Variants in GEMIN5 observed in about 807,000 individuals in gnomAD.
GEMIN5 encodes the protein gem-associated protein 5.
In GEMIN5, 124 loss-of-function variants were observed where a neutral mutation model predicts 176.9. The ratio of observed to expected loss-of-function variants is 0.70; its 90% CI spans 0.61 to 0.81. The LOEUF (loss-of-function observed/expected upper bound fraction) is 0.81. Ranked by LOEUF, GEMIN5 falls within the 40% of genes least tolerant of loss-of-function variation. The probability of loss-of-function intolerance (pLI) is 0.00; values close to 1 mark genes in which losing one functional copy is unlikely to be tolerated. For synonymous variants in GEMIN5, 673 were observed against 665.2 expected (o/e 1.01, Z -0.18); for missense variants, 1,843 against 1,814.6 (o/e 1.02, Z -0.28).
intron 15 of GEMIN5, among the ~76,000 whole-genome samples, chr5:154,909,503 G>A (rs574304436): frequency 8.6e-5 from 13 of 151,604 alleles, no homozygotes; most frequent in Non-Finnish European, 1.8e-4. Context: ...TTTACTGAGG[G>A]GTAATATAAT....
chr5:154,891,032 A>G (rs1421419622), intron 26 of GEMIN5, among the ~76,000 whole-genome samples: 1 of 149,356 alleles, frequency 6.7e-6, no homozygotes, highest in Non-Finnish European at 1.5e-5. Context: ...CTGGGATTAC[A>G]AGCGTGATCC....
At chr5:154,906,482 A>G (rs570485477) in intron 16 of GEMIN5, among the ~76,000 whole-genome samples, 2 of 152,352 alleles carry the variant, frequency 1.3e-5, no homozygotes, top group South Asian at 4.1e-4. Context: ...AGGTGTATGC[A>G]ATATGGTGTC....
intron 15 of GEMIN5, among the ~76,000 whole-genome samples, chr5:154,910,563 CA>C (rs1763680270): frequency 6.6e-6 from 1 of 152,236 alleles, no homozygotes; most frequent in African/African-American, 2.4e-5. Flanking sequence ...CTTGGCTTCC[CA>C]AAGTGCTGGG....
chr5:154,932,001 G>A (rs1257035724), intron 4 of GEMIN5, 98 bp downstream of exon 4: 11 of 1,006,864 alleles, frequency 1.1e-5, no homozygotes, highest in East Asian at 5.0e-5. Context: ...GCAAAACTCC[G>A]TCTCCAAAAA....
rs1763408136 is a variant in GEMIN5 at position 154,898,764 on chromosome 5, C to G, written c.3135-114G>C. ...TTTGCTGCATGTGCCTTCCTGTGGT[C>G]CCAGGTATGTCACTGCCCCGGTTGT... On this transcript the variant is annotated intron_variant, in intron 22 of 27. Transcript: ENST00000285873. The G allele has an allele frequency of 7.0e-6, 6 of 852,850 alleles. No homozygotes were observed. The South Asian group carries it at 9.6e-5, about 14-fold the overall frequency. The allele number at this position is 852,850 out of a possible 1,614,324, so 52.8% of individuals were successfully genotyped here.
At chr5:154,931,425 T>C (rs1405885199) in intron 5 of GEMIN5, 33 bp downstream of exon 5, 3 of 1,585,092 alleles carry the variant, frequency 1.9e-6, no homozygotes, top group African/African-American at 1.3e-5. Context: ...CAGATCAACA[T>C]AGGTTACATC....
At chr5:154,896,527 C>T (rs931325091) in intron 23 of GEMIN5, among the ~76,000 whole-genome samples, 184 bp from the exon 24 acceptor site, 1 of 152,200 alleles carries the variant, frequency 6.6e-6, no homozygotes, top group Non-Finnish European at 1.5e-5. Flanking sequence ...CTGACAGACA[C>T]TTCCCAGGTC....
intron 9 of GEMIN5, among the ~76,000 whole-genome samples, chr5:154,922,612 T>C (rs1301158854): frequency 2.0e-5 from 3 of 152,246 alleles, no homozygotes; most frequent in Middle Eastern, 3.4e-3. Flanking sequence ...AATAATTTAA[T>C]AGAATTAGCA....
intron 13 of GEMIN5, among the ~76,000 whole-genome samples, chr5:154,914,021 A>C (rs1029175371): frequency 7.9e-5 from 12 of 151,272 alleles, no homozygotes; most frequent in Admixed American, 4.0e-4. Flanking sequence ...ATAAATACAC[A>C]CATAATTTTT....
intron 25 of GEMIN5, among the ~76,000 whole-genome samples, chr5:154,891,945 T>C (rs1014651318): frequency 6.6e-6 from 1 of 152,078 alleles, no homozygotes; most frequent in African/African-American, 2.4e-5. Flanking sequence ...AGTGTTCTCA[T>C]TACTACATCC....
chr5:154,937,963 G>A lies in GEMIN5; in HGVS notation c.166+5C>T, dbSNP rs775032948. On this transcript the variant is annotated splice_donor_5th_base_variant and intron_variant, in intron 1 of 27. Transcript: ENST00000285873. ...TAAGTCTCGGGCCCAAGGGTGGTGAGTTACCTCGAAACGGGGGTGTCCCTG... is the reference window on the plus strand; with the variant it reads ...TAAGTCTCGGGCCCAAGGGTGGTGAATTACCTCGAAACGGGGGTGTCCCTG... The A allele has an allele frequency of 6.4e-7, 1 of 1,571,374 alleles. No homozygotes were observed. Among genetic ancestry groups the A allele is most frequent in the Admixed American group, 1.8e-5 (1 of 54,870 alleles).
intron 24 of GEMIN5, 55 bp from the exon 25 acceptor site, chr5:154,892,604 G>A (rs1450830126): frequency 2.0e-5 from 31 of 1,545,768 alleles, no homozygotes; most frequent in Non-Finnish European, 2.7e-5. Flanking sequence ...AGGCGCAGAG[G>A]ATGCCACCAA....
rs756404522 is a variant in GEMIN5 at position 154,907,762 on chromosome 5, T to C, written c.2224A>G (p.Lys742Glu). The C allele has an allele frequency of 6.2e-7, 1 of 1,614,220 alleles. No homozygotes were observed. The highest frequency in any genetic ancestry group is 8.5e-7 in the Non-Finnish European group (1 of 1,180,040). The change falls in exon 16 of 28, where the codon AAA becomes GAA. Residue 742 changes from lysine to glutamate, a missense_variant. Transcript: ENST00000285873. ...KRLSQPKAKP[K>E]KKKKPTLRTP... is the part of the protein sequence containing the mutation. ...CTCAAGGTGGGCTTTTTCTTCTTTT[T>C]GGGCTTTGCCTTAGGTTGAGAGAGC... is the stretch of plus-strand genomic sequence containing the variant.
chr5:154,889,506 A>G (rs757134138), intron 26 of GEMIN5, 89 bp from the exon 27 acceptor site: 99 of 694,854 alleles, frequency 1.4e-4, no homozygotes, highest in South Asian at 3.8e-4. Flanking sequence ...TAAAATGTAT[A>G]TAACATAAAG....
At chr5:154,896,936 C>T (rs1763364516) in intron 23 of GEMIN5, among the ~76,000 whole-genome samples, 1 of 152,220 alleles carries the variant, frequency 6.6e-6, no homozygotes, top group South Asian at 2.1e-4. Context: ...ATAACAATAT[C>T]TTCTCAGTTA....
chr5:154,929,815 G>C (rs1048628084), intron 5 of GEMIN5, among the ~76,000 whole-genome samples: 1 of 152,212 alleles, frequency 6.6e-6, no homozygotes, highest in South Asian at 2.1e-4. Context: ...GACATTCCAA[G>C]TGCTGTGCTA....
chr5:154,897,493 TTTCTC>T (rs1210801645), intron 23 of GEMIN5, among the ~76,000 whole-genome samples: 1 of 152,260 alleles, frequency 6.6e-6, no homozygotes, highest in African/African-American at 2.4e-5. Context: ...TTCCCACACT[TTTCTC>T]TTTTTTTTCT....
rs774768456 is a variant in GEMIN5 at position 154,938,064 on chromosome 5, G to T, written c.70C>A (p.Pro24Thr). 1.3e-6 allele frequency: 2 copies of T among 1,526,392 alleles called. No homozygotes were observed. Among genetic ancestry groups the T allele is most frequent in the Non-Finnish European group, 1.8e-6 (2 of 1,140,812 alleles). 94.6% of individuals were successfully genotyped at this position (1,526,392 alleles called of 1,614,324 possible). A position where few individuals can be genotyped will look rare whatever the true frequency, so the allele number is the denominator to read the frequency against. The change falls in exon 1 of 28, where the codon CCC becomes ACC. Residue 24 changes from proline (P) to threonine (T), a missense_variant. Pro to Thr is a conservative substitution (Grantham distance 38). Coordinates refer to ENST00000285873, the MANE Select transcript of GEMIN5 (RefSeq NM_015465.5). ...GCGGCGAAGCCAAAGAGGCCCCCGG[G>T]CACGGCATCGCTGCAGCGGGCGCAG... ...WYCARCSDAVPGGLFGFAART... is the reference protein window; with the variant it reads ...WYCARCSDAVTGGLFGFAART...
intron 3 of GEMIN5, among the ~76,000 whole-genome samples, chr5:154,935,370 G>A (rs941836544): frequency 1.2e-4 from 19 of 152,210 alleles, no homozygotes; most frequent in African/African-American, 4.6e-4. Flanking sequence ...AGAAGTACAT[G>A]AAATGGTGAA....
Sources: allele counts gnomAD v4.1 joint callset (sites outside exome capture counted in the v4.1 genomes callset), GRCh38; gene constraint gnomAD v4.1.1; transcripts MANE v1.5; gene names NCBI Gene and HGNC (gene_info 2026-07-23, HGNC 2026-07-21).